SGCD: variants seen among roughly 807,000 people sequenced by gnomAD.
SGCD encodes sarcoglycan delta, also known as delta-sarcoglycan.
A neutral mutation model predicts 36.6 loss-of-function variants in SGCD; 18 were observed. That is an observed-to-expected ratio of 0.49 (90% CI 0.34 to 0.73). The LOEUF is 0.73. SGCD is among the 30% of genes least tolerant of loss of function. The pLI is 0.01. For synonymous variants in SGCD, 133 were observed against 130.6 expected (o/e 1.02, Z -0.12); for missense variants, 387 against 346.7 (o/e 1.12, Z -0.92).
intron 3 of SGCD, among the ~76,000 whole-genome samples, chr5:156,228,943 A>G (rs1265823162): frequency 6.6e-6 from 1 of 152,048 alleles, no homozygotes; most frequent in Non-Finnish European, 1.5e-5. Context: ...TTAACATTTG[A>G]ATCAGTGGCC....
chr5:155,799,622 C>T, the SGCD span, among the ~76,000 whole-genome samples: 1 of 151,592 alleles, frequency 6.6e-6, no homozygotes, highest in Non-Finnish European at 1.5e-5. Flanking sequence ...TCTTGAACTC[C>T]TGACTTCAAG....
intron 3 of SGCD, among the ~76,000 whole-genome samples, chr5:156,410,087 C>T (rs1044936912): frequency 1.3e-5 from 2 of 152,106 alleles, no homozygotes; most frequent in Admixed American, 1.3e-4. Context: ...GTTTCAGTTG[C>T]CTCATGTTGA....
chr5:156,287,627 TTGTGTGTGTG>T (rs70982002), intron 3 of SGCD, among the ~76,000 whole-genome samples: 150 of 146,388 alleles, frequency 1.0e-3, no homozygotes, highest in Non-Finnish European at 1.8e-3. Context: ...TTCCGTTTCT[TTGTGTGTGTG>T]TGTGTGTGTG....
the SGCD span, among the ~76,000 whole-genome samples, chr5:155,786,136 T>C: frequency 6.6e-6 from 1 of 152,196 alleles, no homozygotes; most frequent in Non-Finnish European, 1.5e-5. Flanking sequence ...AATTCAGTGC[T>C]CCATTTGCAA....
chr5:155,922,543 A>G (rs181670613), intron 1 of SGCD, among the ~76,000 whole-genome samples: 1 of 152,332 alleles, frequency 6.6e-6, no homozygotes, highest in East Asian at 1.9e-4. Flanking sequence ...AAGATAAAAA[A>G]TGGCTTAAGA....
At chr5:156,148,067 AC>A (rs973729486) in intron 3 of SGCD, among the ~76,000 whole-genome samples, 1 of 152,082 alleles carries the variant, frequency 6.6e-6, no homozygotes, top group Non-Finnish European at 1.5e-5. Flanking sequence ...CGCTAGAACT[AC>A]CCCTCCTCCA....
chr5:156,676,669 G>A lies in SGCD; in HGVS notation c.575+29133G>A, dbSNP rs1009269370. Among the ~76,000 whole-genome samples, 11 of 152,240 alleles carry A rather than the reference G, an allele frequency of 7.2e-5. No individual in the cohort carries two copies. The South Asian group carries it at 1.7e-3, about 23-fold the overall frequency. ...GGATACAGCCTAGGAAGAAGGAAAA[G>A]GGACAGCAGCCTCAGAATGTCATTT... On this transcript the variant is annotated intron_variant, in intron 7 of 8. Coordinates refer to ENST00000337851, the MANE Select transcript of SGCD (RefSeq NM_000337.6).
chr5:156,349,090 A>G (rs1293004455), intron 3 of SGCD, among the ~76,000 whole-genome samples: 1 of 152,142 alleles, frequency 6.6e-6, no homozygotes, highest in Non-Finnish European at 1.5e-5. Context: ...TGTATTGAAA[A>G]AGTTAACTCA....
intron 3 of SGCD, among the ~76,000 whole-genome samples, chr5:156,411,140 C>G (rs1258786891): frequency 2.0e-5 from 3 of 152,176 alleles, no homozygotes; most frequent in East Asian, 3.8e-4. Context: ...ACAGTAAAAA[C>G]TCAGTAAACT....
chr5:156,392,126 A>G (rs1771603303), intron 3 of SGCD, among the ~76,000 whole-genome samples: 1 of 152,226 alleles, frequency 6.6e-6, no homozygotes, highest in South Asian at 2.1e-4. Flanking sequence ...ACTCTAAGAC[A>G]TTTGCTATCT....
upstream of SGCD, among the ~76,000 whole-genome samples, chr5:156,324,897 T>TGAGGAA (rs1767767438): frequency 6.6e-6 from 1 of 152,256 alleles, no homozygotes; most frequent in Non-Finnish European, 1.5e-5. Context: ...CTATTTTCTC[T>TGAGGAA]GAAAGATTTC....
intron 3 of SGCD, among the ~76,000 whole-genome samples, chr5:156,347,543 T>A (rs1394607): frequency 2.0e-5 from 3 of 151,792 alleles, no homozygotes; most frequent in Non-Finnish European, 4.4e-5. Context: ...GGGTGGTGGG[T>A]CCTAAAAAGC....
At chr5:156,220,723 C>T (rs1373182627) in intron 3 of SGCD, among the ~76,000 whole-genome samples, 1 of 152,112 alleles carries the variant, frequency 6.6e-6, no homozygotes, top group African/African-American at 2.4e-5. Flanking sequence ...TCTTTAAGTA[C>T]ATTTGGCTAC....
chr5:156,163,787 G>A lies in SGCD; in HGVS notation c.-44+39768G>A, dbSNP rs575033095. On this transcript the variant is annotated intron_variant, in intron 3 of 9. Transcript: ENST00000517913. ...TGTAATCCCAGCACTTTGGGAGGCC[G>A]AGGCGGGTGGATCACAAGGTCAGGA... Among the ~76,000 whole-genome samples the A allele has an allele frequency of 4.6e-5, 7 of 151,560 alleles. No homozygotes were observed. In the South Asian group the frequency reaches 6.2e-4, roughly 13 times the overall value.
At chr5:156,528,915 A>G (rs1007020213) in intron 4 of SGCD, among the ~76,000 whole-genome samples, 2 of 152,178 alleles carry the variant, frequency 1.3e-5, no homozygotes, top group African/African-American at 4.8e-5. Flanking sequence ...GATTTCAAGA[A>G]CATCCCAGCT....
At chr5:156,589,056 A>G (rs1039317009) in intron 4 of SGCD, among the ~76,000 whole-genome samples, 175 bp from the exon 5 acceptor site, 4 of 150,092 alleles carry the variant, frequency 2.7e-5, no homozygotes, top group African/African-American at 9.9e-5. Context: ...TTTTAGATAG[A>G]TGCTAGTTAA....
Position 156,283,624 on chromosome 5 carries a change from A to G in SGCD, c.-43-45910A>G, listed in dbSNP as rs903172670. Among the ~76,000 whole-genome samples the G allele has an allele frequency of 2.1e-4, 32 of 152,248 alleles. 1 individual carries two copies. Among genetic ancestry groups the G allele is most frequent in the African/African-American group, 5.1e-4 (21 of 41,558 alleles). ...ATTCTTCCTTAGAAGTAGTATCTGC[A>G]TTTTAACAGTGGTTTATCGTCCTAA... On this transcript the variant is annotated intron_variant, in intron 3 of 9. Coordinates refer to the SGCD transcript ENST00000517913.
intron 7 of SGCD, chr5:156,738,443 G>T (rs1756489573): frequency 6.6e-6 from 1 of 152,162 alleles, no homozygotes; most frequent in Admixed American, 6.5e-5. Flanking sequence ...GGCTACTAAG[G>T]CACAGTATTT....
the SGCD span, among the ~76,000 whole-genome samples, chr5:155,802,789 T>C: frequency 6.6e-6 from 1 of 152,168 alleles, no homozygotes; most frequent in South Asian, 2.1e-4. Context: ...TCTCCTGTAT[T>C]TTTAGAGTTG....
Sources: gnomAD v4.1 joint callset for allele counts (sites outside exome capture counted in the v4.1 genomes callset) on GRCh38, gnomAD v4.1.1 for gene constraint, MANE v1.5 for transcripts, NCBI Gene and HGNC (gene_info 2026-07-23, HGNC 2026-07-21) for gene names.